RNF13: variants seen among roughly 807,000 people sequenced by gnomAD.
The protein encoded by RNF13 is E3 ubiquitin-protein ligase RNF13.
Under a neutral mutation model 37.7 loss-of-function variants are expected in RNF13, and 19 were observed. That is an observed-to-expected ratio of 0.50 (90% CI 0.35 to 0.74). RNF13 has a LOEUF of 0.74. RNF13 is among the 30% of genes least tolerant of loss of function. RNF13 has a pLI of 0.01. For synonymous variants in RNF13, 144 were observed against 157.8 expected, an observed-to-expected ratio of 0.91 and a Z score of 0.65; for missense variants, 375 against 453.0, an observed-to-expected ratio of 0.83 and a Z score of 1.56.
chr3:149,829,597 C>G (rs1720841731), intron 1 of RNF13, among the ~76,000 whole-genome samples: 1 of 152,128 alleles, frequency 6.6e-6, no homozygotes, highest in Non-Finnish European at 1.5e-5. Context: ...GCTGGGCAAA[C>G]TTCTGCTTTC....
intron 1 of RNF13, among the ~76,000 whole-genome samples, chr3:149,834,242 G>A (rs1378271484): frequency 2.0e-5 from 3 of 152,186 alleles, no homozygotes; most frequent in Non-Finnish European, 2.9e-5. Context: ...CCTTCTTGCA[G>A]AAATAGGAAA....
At chr3:149,901,940 T>C in intron 5 of RNF13, 132 bp from the exon 6 acceptor site, 1 of 442,266 alleles carries the variant, frequency 2.3e-6, no homozygotes, top group Non-Finnish European at 4.1e-6. Flanking sequence ...ATCTGCAATC[T>C]GGAAAATCAA....
chr3:149,901,611 AC>A (rs1302677954), intron 5 of RNF13, among the ~76,000 whole-genome samples: 1 of 152,132 alleles, frequency 6.6e-6, no homozygotes, highest in Non-Finnish European at 1.5e-5. Flanking sequence ...GTGTGGTATT[AC>A]TTTTTAGATT....
At chr3:149,832,849 G>T (rs1018861758) in intron 1 of RNF13, among the ~76,000 whole-genome samples, 15 of 152,080 alleles carry the variant, frequency 9.9e-5, no homozygotes, top group Non-Finnish European at 1.9e-4. Flanking sequence ...TAGAAAGCTT[G>T]CACAGACCTA....
intron 3 of RNF13, among the ~76,000 whole-genome samples, chr3:149,859,506 CACAG>C (rs1390674631): frequency 6.6e-6 from 1 of 151,418 alleles, no homozygotes; most frequent in African/African-American, 2.5e-5. Flanking sequence ...GACACACACA[CACAG>C]AGGAAGTCAA....
intron 4 of RNF13, among the ~76,000 whole-genome samples, chr3:149,878,621 A>G (rs758350679): frequency 3.9e-5 from 6 of 152,204 alleles, no homozygotes; most frequent in Non-Finnish European, 5.9e-5. Context: ...CCTCAGATCT[A>G]TTGCTCCATT....
At chr3:149,862,680 G>A (rs1298555581) in intron 3 of RNF13, among the ~76,000 whole-genome samples, 1 of 151,878 alleles carries the variant, frequency 6.6e-6, no homozygotes, top group Non-Finnish European at 1.5e-5. Flanking sequence ...TTCATTTGCT[G>A]GTAGATGCCA....
intron 4 of RNF13, among the ~76,000 whole-genome samples, chr3:149,893,389 G>C (rs1344138373): frequency 6.6e-6 from 1 of 152,050 alleles, no homozygotes; most frequent in East Asian, 1.9e-4. Flanking sequence ...TTTTGATATT[G>C]GTCTAATTTT....
Position 149,866,410 on chromosome 3 carries a change from T to G in RNF13, c.196-5619T>G, listed in dbSNP as rs530265382. On this transcript the variant is annotated intron_variant, in intron 3 of 9. Transcript: ENST00000392894. Reference sequence around the variant, plus strand: ...TGGCATTTGTAAAGTGTCATGGCGCTGGTGGGAGTGTAGCAGTGAGGAAGA... The same window carrying G: ...TGGCATTTGTAAAGTGTCATGGCGCGGGTGGGAGTGTAGCAGTGAGGAAGA... Among the ~76,000 whole-genome samples, 5 of 152,376 alleles carry G rather than the reference T, an allele frequency of 3.3e-5. No homozygotes were observed. The South Asian group carries it at 1.0e-3, about 32-fold the overall frequency.
At chr3:149,815,065 A>T (rs778945210) in intron 1 of RNF13, among the ~76,000 whole-genome samples, 79 of 152,122 alleles carry the variant, frequency 5.2e-4, no homozygotes, top group South Asian at 1.0e-3. Flanking sequence ...ATAAGTTCTC[A>T]TCTATGCTTG....
At chr3:149,948,537 C>CTT (rs758431504) in intron 8 of RNF13, among the ~76,000 whole-genome samples, 2 of 152,048 alleles carry the variant, frequency 1.3e-5, no homozygotes, top group Non-Finnish European at 2.9e-5. Context: ...CTTGCAATTC[C>CTT]ATAAAACATC....
intron 4 of RNF13, among the ~76,000 whole-genome samples, chr3:149,882,135 A>G (rs1259606372): frequency 1.3e-5 from 2 of 152,142 alleles, no homozygotes; most frequent in African/African-American, 4.8e-5. Context: ...GAGAAAAACT[A>G]TAGTCTGTTG....
At chr3:149,841,106 T>C (rs1722136917) in intron 1 of RNF13, among the ~76,000 whole-genome samples, 1 of 152,232 alleles carries the variant, frequency 6.6e-6, no homozygotes, top group Admixed American at 6.5e-5. Flanking sequence ...TAACTTACAG[T>C]CTTTTCAGTT....
chr3:149,889,292 C>CGTGTGTGTGT (rs376618726), intron 4 of RNF13, among the ~76,000 whole-genome samples: 23,948 of 138,036 alleles, frequency 0.17, 2,447 homozygotes, highest in Middle Eastern at 0.26. Context: ...TTTGAGTGTG[C>CGTGTGTGTGT]GTGTGTGTGT....
At chr3:149,937,571 GC>G (rs1300148111) in intron 8 of RNF13, among the ~76,000 whole-genome samples, 1 of 152,060 alleles carries the variant, frequency 6.6e-6, no homozygotes, top group Non-Finnish European at 1.5e-5. Context: ...CTTCTACTCT[GC>G]CATTTTGGTA....
chr3:149,883,575 A>C (rs1198474695), intron 4 of RNF13, among the ~76,000 whole-genome samples: 1 of 152,124 alleles, frequency 6.6e-6, no homozygotes, highest in Non-Finnish European at 1.5e-5. Flanking sequence ...AGCTGTTTTA[A>C]AATCCTTGTC....
intron 8 of RNF13, among the ~76,000 whole-genome samples, chr3:149,926,256 G>A (rs1718638571): frequency 6.6e-6 from 1 of 152,098 alleles, no homozygotes; most frequent in South Asian, 2.1e-4. Flanking sequence ...CTGTCCCCTA[G>A]GCTGGAGTGG....
chr3:149,822,177 A>C (rs1720048090), intron 1 of RNF13, among the ~76,000 whole-genome samples: 1 of 152,146 alleles, frequency 6.6e-6, no homozygotes, highest in Non-Finnish European at 1.5e-5. Flanking sequence ...CCATTTCTGC[A>C]TAAAAGGCCA....
intron 3 of RNF13, among the ~76,000 whole-genome samples, chr3:149,868,981 G>A (rs2108435448): frequency 6.6e-6 from 1 of 151,780 alleles, no homozygotes; most frequent in East Asian, 1.9e-4. Context: ...AATTCTTAGA[G>A]TTAGTCTTTT....
Sources: allele counts gnomAD v4.1 joint callset (sites outside exome capture counted in the v4.1 genomes callset), GRCh38; gene constraint gnomAD v4.1.1; transcripts MANE v1.5; gene names NCBI Gene and HGNC (gene_info 2026-07-23, HGNC 2026-07-21).